TFAP2A: variants seen among roughly 807,000 people sequenced by gnomAD.
The protein encoded by TFAP2A is transcription factor AP-2 alpha.
TFAP2A carries 7 observed loss-of-function variants against 41.5 expected under a neutral mutation model. That is an observed-to-expected ratio of 0.17 (90% confidence interval 0.10 to 0.32). The LOEUF (loss-of-function observed/expected upper bound fraction) is 0.32. Ranked by LOEUF, TFAP2A falls within the 10% of genes least tolerant of loss-of-function variation. TFAP2A has a pLI of 1.00. For missense variants in TFAP2A, 416 were observed against 563.3 expected (o/e 0.74, Z 2.65); for synonymous variants, 247 against 242.8 (o/e 1.02, Z -0.16).
rs549159593 is a variant in TFAP2A, at chr6:10,402,405, A to G, written c.889+87T>C. 2.4e-4 allele frequency: 245 copies of G among 1,017,642 alleles called. No individual in the cohort carries two copies. In the African/African-American group the frequency reaches 3.5e-3, roughly 14 times the overall value. 63.0% of individuals were successfully genotyped at this position (1,017,642 alleles called of 1,614,324 possible). ...GCAAAGATGAAACTGCCCAACTGAC[A>G]TAAAATACGACCAAACATCTGGCCA... On this transcript the variant is annotated intron_variant, in intron 5 of 6. Coordinates refer to ENST00000379613, the MANE Select transcript of TFAP2A (RefSeq NM_001372066.1).
At chr6:10,419,365 C>T (rs1258931144), upstream of TFAP2A, 6 of 1,572,782 alleles carry the variant, frequency 3.8e-6, no homozygotes, top group Non-Finnish European at 4.4e-6. Flanking sequence ...CCGGCCCCCT[C>T]CCCTACTCCA....
At chr6:10,419,292 A>T, upstream of TFAP2A, 1 of 1,128,264 alleles carries the variant, frequency 8.9e-7, no homozygotes, top group Admixed American at 1.9e-5. Context: ...GGGCGCTGCC[A>T]GGCGCGCCTC....
chr6:10,398,146 T>G lies in TFAP2A; in HGVS notation c.*271A>C, dbSNP rs1761852211. ...TCTGCTGGCTTCACGGCCTGTTCTGTTCTCTTAGGCTCCACATGAGGGCAC... is the reference window on the plus strand; with the variant it reads ...TCTGCTGGCTTCACGGCCTGTTCTGGTCTCTTAGGCTCCACATGAGGGCAC... On this transcript the variant is annotated 3_prime_UTR_variant, in exon 7 of 7. Transcript: ENST00000379613. The surrounding 1 kb of genome is among the most constrained non-coding windows in gnomAD (Gnocchi z 5.3). 26 of 1,406,858 alleles carry G rather than the reference T, an allele frequency of 1.8e-5. No homozygotes were observed. The highest frequency in any genetic ancestry group is 2.4e-5 in the Non-Finnish European group (26 of 1,081,782). The allele number at this position is 1,406,858 out of a possible 1,614,324, so 87.1% of individuals were successfully genotyped here. A position where few individuals can be genotyped will look rare whatever the true frequency, so the allele number is the denominator to read the frequency against.
chr6:10,411,387 CA>C (rs1757961956), intron 1 of TFAP2A, among the ~76,000 whole-genome samples: 1 of 151,610 alleles, frequency 6.6e-6, no homozygotes, highest in Non-Finnish European at 1.5e-5. Flanking sequence ...GGGGGTAATG[CA>C]CTCGATTTAG....
At chr6:10,412,312 A>C (rs1758009805) in intron 1 of TFAP2A, 1 of 984,578 alleles carries the variant, frequency 1.0e-6, no homozygotes, top group South Asian at 4.7e-5. Context: ...AGTGAAAGAG[A>C]AAGAGGCAGA....
rs1024708087 is a variant in TFAP2A at position 10,398,274 on chromosome 6, GGGCAGCGGC to G, written c.*134_*142del. On this transcript the variant is annotated 3_prime_UTR_variant, in exon 7 of 7. Coordinates refer to ENST00000379613, the MANE Select transcript of TFAP2A (RefSeq NM_001372066.1). This position sits in a 1 kb window ranked among gnomAD's most constrained non-coding sequence, Gnocchi z 5.3. ...GTCCCGGAGACTCGGGGGGACCCAA[GGGCAGCGGC>G]GGCGGCGGCGGCGGCAGCAGCAGCA... The G allele has an allele frequency of 2.9e-5, 46 of 1,566,240 alleles. No individual in the cohort carries two copies. In the Admixed American group the frequency reaches 5.8e-4, roughly 20 times the overall value.
At chr6:10,406,913 A>T in intron 2 of TFAP2A, 69 bp from the exon 3 acceptor site, 1 of 1,194,068 alleles carries the variant, frequency 8.4e-7, no homozygotes, top group South Asian at 1.2e-5. Flanking sequence ...ATTCCCTGCA[A>T]GATGGGAGGA....
chr6:10,415,028 C>T lies in TFAP2A; in HGVS notation c.-37G>A. The T allele has an allele frequency of 6.2e-7, 1 of 1,614,106 alleles. No individual in the cohort carries two copies. Among genetic ancestry groups the T allele is most frequent in the Non-Finnish European group, 8.5e-7 (1 of 1,180,040 alleles). ...AACGGATATGCCCCTCTCGGTCTCG[C>T]ACCCAAGTGGAGCTACTCTCTGGGT... On this transcript the variant is annotated 5_prime_UTR_variant, in exon 1 of 7. Coordinates refer to ENST00000379613, the MANE Select transcript of TFAP2A (RefSeq NM_001372066.1).
Position 10,398,601 on chromosome 6 carries a change from G to T in TFAP2A, c.1136C>A (p.Thr379Asn). 1 of 1,614,232 alleles carries T rather than the reference G, an allele frequency of 6.2e-7. No individual in the cohort carries two copies. The highest frequency in any genetic ancestry group is 8.5e-7 in the Non-Finnish European group (1 of 1,180,028). The change falls in exon 7 of 7, where the codon ACC (threonine) becomes AAC (asparagine). Residue 379 changes from threonine to asparagine, a missense_variant. This residue lies in a region of TFAP2A where 116 missense variants were observed against 153.8 expected (regional missense o/e 0.75). Transcript: ENST00000379613. This position sits in a 1 kb window ranked among gnomAD's most constrained non-coding sequence, Gnocchi z 5.3. The part of the protein sequence containing the change: ...ILEPGIQSCL[T>N]HFNLISHGFG... ...GCCGTGGGAGATGAGGTTGAAGTGG[G>T]TCAAGCAGCTCTGGATGCCGGGCTC...
At position 10,400,508 on chromosome 6, in the gene TFAP2A, T is replaced by C. The variant is rs759768857; in HGVS notation, c.971A>G (p.Asn324Ser). 1 of 1,614,208 alleles carries C rather than the reference T, an allele frequency of 6.2e-7. No individual in the cohort carries two copies. Among genetic ancestry groups the C allele is most frequent in the South Asian group, 1.1e-5 (1 of 91,088 alleles). The change falls in exon 6 of 7, where the codon AAC (asparagine) becomes AGC (serine). Residue 324 changes from asparagine to serine, a missense_variant. Transcript: ENST00000379613. ...CTCATTGGGATCGGAATGTTGTCGG[T>C]TGAGAAATTCAGCTACTGCTTTGGC... ...FPAKAVAEFL[N>S]RQHSDPNEQV...
chr6:10,403,234 G>A (rs1344676704), intron 4 of TFAP2A, among the ~76,000 whole-genome samples: 3 of 152,228 alleles, frequency 2.0e-5, no homozygotes, highest in African/African-American at 4.8e-5. Flanking sequence ...TCAGAAAGTG[G>A]TTAAGATAAA....
In TFAP2A at chr6:10,409,994, C is replaced by A. The variant is rs979506886; in HGVS notation, c.393G>T (p.Arg131=). 1.1e-5 allele frequency: 17 copies of A among 1,606,328 alleles called. No individual in the cohort carries two copies. The highest frequency in any genetic ancestry group is 1.3e-5 in the Non-Finnish European group (15 of 1,176,554). ...SGLDPRRDYR[R]HEDLLHGPHA... is the part of the protein sequence containing the mutation. ...GTGGGCCGTGCAGGAGGTCCTCGTG[C>A]CGCCTGTAGTCCCTGCGAGGATCCA... Residue 131 remains arginine (R), a synonymous_variant, in exon 2 of 7, where the codon CGG becomes CGT. Transcript: ENST00000379613.
At chr6:10,418,855 A>G (rs1758333465), upstream of TFAP2A, among the ~76,000 whole-genome samples, 1 of 152,094 alleles carries the variant, frequency 6.6e-6, no homozygotes, top group Non-Finnish European at 1.5e-5. Flanking sequence ...TCTCCTACAG[A>G]AACACGCTGC....
In TFAP2A at chr6:10,397,914, C is replaced by CT. The variant is rs544361557; in HGVS notation, c.*502dup. On this transcript the variant is annotated 3_prime_UTR_variant, in exon 7 of 7. Coordinates refer to ENST00000379613, the MANE Select transcript of TFAP2A (RefSeq NM_001372066.1). ...TAAAAATGTTGTCATCATCTTTTGG[C>CT]TTTTTTTTTTTTTTTAAGTATGGCT... The CT allele has an allele frequency of 0.02, 17,268 of 872,470 alleles. 3 individuals are homozygous for CT. Among genetic ancestry groups the CT allele is most frequent in the Non-Finnish European group, 0.021 (15,308 of 741,488 alleles). The allele number at this position is 872,470 out of a possible 1,614,324, so 54.0% of individuals were successfully genotyped here. A position where few individuals can be genotyped will look rare whatever the true frequency, so the allele number is the denominator to read the frequency against.
chr6:10,412,092 T>A (rs1396076071), intron 1 of TFAP2A: 1 of 995,622 alleles, frequency 1.0e-6, no homozygotes, highest in Non-Finnish European at 1.2e-6. Flanking sequence ...AAATCGAGCG[T>A]GAAGCGGAGA....
upstream of TFAP2A, chr6:10,419,367 C>T (rs757409734): frequency 1.1e-5 from 18 of 1,595,370 alleles, no homozygotes; most frequent in South Asian, 1.8e-4. Flanking sequence ...GGCCCCCTCC[C>T]CTACTCCACC....
At chr6:10,417,831 G>C (rs1209767235), upstream of TFAP2A, among the ~76,000 whole-genome samples, 1 of 152,124 alleles carries the variant, frequency 6.6e-6, no homozygotes, top group African/African-American at 2.4e-5. Context: ...CAAGAGCCAG[G>C]CCCGCGGCTC....
chr6:10,404,147 T>A lies in TFAP2A; in HGVS notation c.770+361A>T, dbSNP rs572641270. ...AAGGTGTGCGCGAAGAGGGAAAAGG[T>A]GGCTGTACGGCGCCCCGCGGCTGCA... On this transcript the variant is annotated intron_variant, in intron 4 of 6. Transcript: ENST00000379613. Among the ~76,000 whole-genome samples the A allele has an allele frequency of 5.9e-5, 9 of 151,966 alleles. No individual in the cohort carries two copies. The East Asian group carries it at 1.7e-3, about 30-fold the overall frequency.
chr6:10,398,083 T>TAA lies in TFAP2A; in HGVS notation c.*332_*333dup, dbSNP rs34512481. The TAA allele has an allele frequency of 1.9e-4, 211 of 1,090,340 alleles. No individual in the cohort carries two copies. Among genetic ancestry groups the TAA allele is most frequent in the East Asian group, 1.5e-3 (28 of 19,028 alleles). 67.5% of individuals were successfully genotyped at this position (1,090,340 alleles called of 1,614,324 possible). ...GCTGTTGTTGATTTGTTGTTTTGTT[T>TAA]AAAAAAAAAAGGGTTCACAAACTTG... On this transcript the variant is annotated 3_prime_UTR_variant, in exon 7 of 7. Transcript: ENST00000379613. The surrounding 1 kb of genome is among the most constrained non-coding windows in gnomAD (Gnocchi z 5.3).
Sources: allele counts gnomAD v4.1 joint callset (sites outside exome capture counted in the v4.1 genomes callset), GRCh38; gene constraint gnomAD v4.1.1; regional missense constraint gnomAD v4.1.1; non-coding constraint Gnocchi (gnomAD v3.1); transcripts MANE v1.5; gene names NCBI Gene and HGNC (gene_info 2026-07-23, HGNC 2026-07-21).